CYB5R4: variants seen among roughly 807,000 people sequenced by gnomAD.
CYB5R4 encodes the protein N-terminal cytochrome b5 and cytochrome b5 oxidoreductase domain-containing protein.
CYB5R4 carries 55 observed loss-of-function variants against 70.2 expected under a neutral mutation model. The observed-to-expected ratio is 0.78, with a 90% confidence interval of 0.63 to 0.98. The LOEUF (loss-of-function observed/expected upper bound fraction) is 0.98, where lower values mean the gene tolerates loss of function less well. Among genes scored for constraint, CYB5R4 ranks in the 50% least tolerant of loss-of-function variants. The pLI is 0.00. For synonymous variants in CYB5R4, 197 were observed against 199.5 expected (o/e 0.99, Z 0.11); for missense variants, 562 against 612.6 (o/e 0.92, Z 0.87).
In CYB5R4 at chr6:83,864,173, A is replaced by G; in HGVS notation, c.76-2A>G. On this transcript the variant is annotated splice_acceptor_variant, in intron 1 of 15. Transcript: ENST00000369681. LOFTEE classifies it high-confidence loss of function. ...TTTAATTCTTCCTTTTTCCATTTTTAGGTACCTTTAAAACAGGGCAGAAGC... is the reference window on the plus strand; with the variant it reads ...TTTAATTCTTCCTTTTTCCATTTTTGGGTACCTTTAAAACAGGGCAGAAGC... 1 of 1,547,578 alleles carries G rather than the reference A, an allele frequency of 6.5e-7. No homozygotes were observed. The highest frequency in any genetic ancestry group is 8.7e-7 in the Non-Finnish European group (1 of 1,152,120).
intron 3 of CYB5R4, among the ~76,000 whole-genome samples, chr6:83,901,632 C>T (rs2099462975): frequency 1.3e-5 from 2 of 152,106 alleles, no homozygotes; most frequent in Admixed American, 6.5e-5. Flanking sequence ...CACATAGTCC[C>T]ATATTTCTTG....
At chr6:83,883,283 A>T (rs2099459741) in intron 2 of CYB5R4, among the ~76,000 whole-genome samples, 1 of 152,204 alleles carries the variant, frequency 6.6e-6, no homozygotes, top group Non-Finnish European at 1.5e-5. Context: ...TCTAGAAGGA[A>T]AGGAATGAAA....
At chr6:83,918,356 A>G (rs2099465833) in intron 6 of CYB5R4, among the ~76,000 whole-genome samples, 2 of 152,124 alleles carry the variant, frequency 1.3e-5, no homozygotes, top group Non-Finnish European at 2.9e-5. Flanking sequence ...TAGAAAACTT[A>G]GAAAATAGAG....
At chr6:83,902,874 T>C (rs1000050902) in intron 3 of CYB5R4, among the ~76,000 whole-genome samples, 1 of 152,170 alleles carries the variant, frequency 6.6e-6, no homozygotes, top group African/African-American at 2.4e-5. Flanking sequence ...TGTATGTTGA[T>C]TTTGTGTCTT....
chr6:83,861,521 A>T (rs2099455929), intron 1 of CYB5R4, among the ~76,000 whole-genome samples: 1 of 152,194 alleles, frequency 6.6e-6, no homozygotes, highest in South Asian at 2.1e-4. Flanking sequence ...CTGTCTTTGG[A>T]GTTTGCATGC....
intron 11 of CYB5R4, among the ~76,000 whole-genome samples, chr6:83,935,974 A>G (rs2099468858): frequency 6.6e-6 from 1 of 152,102 alleles, no homozygotes; most frequent in East Asian, 1.9e-4. Flanking sequence ...TTTCTATTAA[A>G]TTAGACTATA....
intron 3 of CYB5R4, among the ~76,000 whole-genome samples, chr6:83,907,514 G>A (rs950591669): frequency 6.0e-5 from 9 of 150,950 alleles, no homozygotes; most frequent in African/African-American, 2.2e-4. Context: ...TCAGGGGTAC[G>A]TGTGCAGGTT....
rs551744027 is a variant in CYB5R4, at chr6:83,866,422, C to T, written c.229+2094C>T. On this transcript the variant is annotated intron_variant, in intron 2 of 15. Transcript: ENST00000369681. ...TGGTTGAGCATCCCAAATCCAAAGA[C>T]CGGAAATTTAAAATGCTCCATTGAG... Among the ~76,000 whole-genome samples the T allele has an allele frequency of 8.5e-5, 13 of 152,092 alleles. No individual in the cohort carries two copies. The South Asian group carries it at 2.1e-3, about 24-fold the overall frequency.
chr6:83,918,694 A>G (rs1196624227), intron 6 of CYB5R4, among the ~76,000 whole-genome samples: 3 of 152,072 alleles, frequency 2.0e-5, no homozygotes, highest in African/African-American at 7.2e-5. Context: ...AACTTAAGCA[A>G]TACATATATA....
chr6:83,920,490 G>C (rs2099466195), intron 7 of CYB5R4, among the ~76,000 whole-genome samples: 1 of 152,120 alleles, frequency 6.6e-6, no homozygotes, highest in African/African-American at 2.4e-5. Context: ...ATGGAACACA[G>C]AGGATGGATG....
intron 10 of CYB5R4, among the ~76,000 whole-genome samples, chr6:83,925,902 T>C (rs1483399758): frequency 6.6e-6 from 1 of 152,194 alleles, no homozygotes; most frequent in Non-Finnish European, 1.5e-5. Flanking sequence ...TTCTATTGAG[T>C]TACTCATTTC....
In CYB5R4 at chr6:83,872,044, AT is replaced by A. The variant is rs1427141911; in HGVS notation, c.229+7724del. 1.3e-5 allele frequency among the ~76,000 whole-genome samples: 2 copies of A among 151,776 alleles called. 1 individual carries two copies. The highest frequency in any genetic ancestry group is 4.2e-4 in the South Asian group (2 of 4,808). On this transcript the variant is annotated intron_variant, in intron 2 of 15. Transcript: ENST00000369681. ...TTATTAGTGATATAGCTAGTTTAAGATTTTTTTTCTTCAGCATTTGCATCCT... is the reference window on the plus strand; with the variant it reads ...TTATTAGTGATATAGCTAGTTTAAGATTTTTTTCTTCAGCATTTGCATCCT...
intron 4 of CYB5R4, among the ~76,000 whole-genome samples, chr6:83,911,949 C>T (rs763906338): frequency 1.0e-4 from 15 of 150,632 alleles, no homozygotes; most frequent in Admixed American, 4.0e-4. Flanking sequence ...CCCAGCTACT[C>T]GGAAGGCTGA....
At chr6:83,908,689 AG>A in intron 3 of CYB5R4, among the ~76,000 whole-genome samples, 1 of 152,300 alleles carries the variant, frequency 6.6e-6, no homozygotes, top group African/African-American at 2.4e-5. Context: ...TTGCTTTTAT[AG>A]CATCAGAGCA....
intron 2 of CYB5R4, among the ~76,000 whole-genome samples, chr6:83,873,264 G>A (rs938738270): frequency 2.5e-5 from 3 of 118,072 alleles, no homozygotes; most frequent in African/African-American, 3.7e-5. Flanking sequence ...TTTTTTGACA[G>A]GGTCTCACTC....
At chr6:83,916,052 TTTAG>T (rs2099465467) in intron 5 of CYB5R4, among the ~76,000 whole-genome samples, 1 of 152,230 alleles carries the variant, frequency 6.6e-6, no homozygotes, top group South Asian at 2.1e-4. Context: ...TTTTTTTGTT[TTTAG>T]TTAGTTTTAA....
rs540314105 is a variant in CYB5R4, at chr6:83,919,037, A to T, written c.507-360A>T. Reference sequence around the variant, plus strand: ...ATATATTTGTGACAGGGAGGAATGAAGATAATAAACATGTGCATTTTTTCA... The same window carrying T: ...ATATATTTGTGACAGGGAGGAATGATGATAATAAACATGTGCATTTTTTCA... On this transcript the variant is annotated intron_variant, in intron 6 of 15. Transcript: ENST00000369681. 1.6e-3 allele frequency among the ~76,000 whole-genome samples: 249 copies of T among 151,914 alleles called. 1 individual carries two copies. Among genetic ancestry groups the T allele is most frequent in the African/African-American group, 5.6e-3 (233 of 41,252 alleles).
rs1372616798 is a variant in CYB5R4, at chr6:83,955,461, A to G, written c.1510A>G (p.Arg504Gly). Residue 504 changes from arginine to glycine, a missense_variant and splice_region_variant, in exon 15 of 16, where the codon AGG (arginine) becomes GGG (glycine). Arg to Gly is a moderately radical substitution (Grantham distance 125, BLOSUM62 -2). Transcript: ENST00000369681. ...GPVPFTEQGV[R>G]LLHDLNFSKN... ...AGTGCCATTTACAGAACAAGGAGTA[A>G]GGTGAGTAACAGTGTAGTAGGAAAC... 2.5e-6 allele frequency: 4 copies of G among 1,613,264 alleles called. No individual in the cohort carries two copies. The highest frequency in any genetic ancestry group is 1.1e-5 in the South Asian group (1 of 90,984).
intron 2 of CYB5R4, among the ~76,000 whole-genome samples, chr6:83,892,015 A>G (rs1264563861): frequency 2.0e-5 from 3 of 152,124 alleles, no homozygotes; most frequent in Non-Finnish European, 2.9e-5. Context: ...AAAAAAGCCT[A>G]TTGGGAGTAA....
Sources: gnomAD v4.1 joint callset for allele counts (sites outside exome capture counted in the v4.1 genomes callset) on GRCh38, gnomAD v4.1.1 for gene constraint, MANE v1.5 for transcripts, NCBI Gene and HGNC (gene_info 2026-07-23, HGNC 2026-07-21) for gene names.